EPHA4: variants seen among roughly 807,000 people sequenced by gnomAD.
EPHA4 encodes EPH receptor A4.
Under a neutral mutation model 108.3 loss-of-function variants are expected in EPHA4, and 19 were observed. The observed-to-expected ratio is 0.18, with a 90% CI of 0.12 to 0.26. EPHA4 has a LOEUF of 0.26. Ranked by LOEUF, EPHA4 falls within the 10% of genes least tolerant of loss-of-function variation. The pLI is 1.00. For synonymous variants in EPHA4, 449 were observed against 455.5 expected (o/e 0.99, Z 0.18); for missense variants, 917 against 1,254.0 (o/e 0.73, Z 4.06).
intron 3 of EPHA4, among the ~76,000 whole-genome samples, chr2:221,510,183 G>A (rs1386620509): frequency 6.6e-6 from 1 of 152,048 alleles, no homozygotes; most frequent in Non-Finnish European, 1.5e-5. Context: ...AAACACTATG[G>A]GATAACTTCT....
At chr2:221,490,771 A>C (rs997124446) in intron 4 of EPHA4, among the ~76,000 whole-genome samples, 2 of 152,112 alleles carry the variant, frequency 1.3e-5, no homozygotes, top group Non-Finnish European at 2.9e-5. Context: ...TTACGTTTTG[A>C]CTCTGAAATA....
chr2:221,506,901 T>C (rs914531418), intron 3 of EPHA4, among the ~76,000 whole-genome samples: 11 of 152,224 alleles, frequency 7.2e-5, no homozygotes, highest in African/African-American at 2.4e-4. Context: ...ATTAAGTACT[T>C]TTTTGCAATA....
At chr2:221,529,426 G>T (rs1233597285) in intron 3 of EPHA4, among the ~76,000 whole-genome samples, 2 of 152,174 alleles carry the variant, frequency 1.3e-5, no homozygotes, top group African/African-American at 4.8e-5. Context: ...CCTCCCTGCA[G>T]GCTGCCAACT....
intron 3 of EPHA4, among the ~76,000 whole-genome samples, chr2:221,528,549 G>T (rs1022914535): frequency 1.3e-5 from 2 of 152,112 alleles, no homozygotes; most frequent in Non-Finnish European, 2.9e-5. Flanking sequence ...TCTGAGTCTT[G>T]CAGTGCTTGT....
At chr2:221,422,512 G>T (rs1025447807) in intron 17 of EPHA4, among the ~76,000 whole-genome samples, 7 of 152,172 alleles carry the variant, frequency 4.6e-5, no homozygotes, top group Non-Finnish European at 1.0e-4. Flanking sequence ...GTAATATTAA[G>T]TGGGCAATTT....
At chr2:221,465,776 C>T (rs1691290229) in intron 5 of EPHA4, among the ~76,000 whole-genome samples, 2 of 152,214 alleles carry the variant, frequency 1.3e-5, no homozygotes, top group African/African-American at 2.4e-5. Context: ...TCACCACCAA[C>T]TGGATGCGAT....
chr2:221,480,159 C>T (rs1691776864), intron 5 of EPHA4, among the ~76,000 whole-genome samples: 1 of 143,834 alleles, frequency 7.0e-6, no homozygotes, highest in Admixed American at 7.6e-5. Context: ...GTTGACATAA[C>T]TTCTTGGCTC....
At chr2:221,451,146 G>A (rs923057390) in intron 8 of EPHA4, among the ~76,000 whole-genome samples, 9 of 152,126 alleles carry the variant, frequency 5.9e-5, no homozygotes, top group Admixed American at 2.0e-4. Context: ...CCCATGAGGC[G>A]GAGGTCTCAG....
intron 14 of EPHA4, among the ~76,000 whole-genome samples, chr2:221,432,759 T>C (rs886348716): frequency 6.7e-6 from 1 of 150,264 alleles, no homozygotes; most frequent in South Asian, 2.1e-4. Flanking sequence ...TTAGCCTACC[T>C]CAGCGTCCCG....
intron 5 of EPHA4, among the ~76,000 whole-genome samples, chr2:221,477,291 A>G (rs894185030): frequency 6.6e-6 from 1 of 152,208 alleles, no homozygotes; most frequent in Non-Finnish European, 1.5e-5. Context: ...CTATGTGTTC[A>G]GCCACAGGCC....
intron 3 of EPHA4, among the ~76,000 whole-genome samples, chr2:221,556,951 T>G: frequency 6.6e-6 from 1 of 152,178 alleles, no homozygotes; most frequent in East Asian, 1.9e-4. Flanking sequence ...CTATTGAGGG[T>G]CTTGGAACAT....
At chr2:221,438,631 T>A (rs539554425) in intron 11 of EPHA4, among the ~76,000 whole-genome samples, 1 of 151,746 alleles carries the variant, frequency 6.6e-6, no homozygotes, top group African/African-American at 2.4e-5. Flanking sequence ...CTACTAAAAA[T>A]ACAAAAATTT....
chr2:221,532,250 G>A (rs1327079750), intron 3 of EPHA4, among the ~76,000 whole-genome samples: 1 of 151,994 alleles, frequency 6.6e-6, no homozygotes, highest in East Asian at 1.9e-4. Flanking sequence ...AGCCTCCAGA[G>A]TAGCTGGGAT....
intron 5 of EPHA4, among the ~76,000 whole-genome samples, chr2:221,480,399 G>A (rs1018220017): frequency 6.6e-5 from 10 of 152,186 alleles, no homozygotes; most frequent in African/African-American, 2.4e-4. Flanking sequence ...TAAGAATACT[G>A]ATTGGATCAT....
At chr2:221,548,831 C>T (rs1694080403) in intron 3 of EPHA4, among the ~76,000 whole-genome samples, 2 of 152,104 alleles carry the variant, frequency 1.3e-5, no homozygotes. Context: ...TTAGTAACCT[C>T]ATAGTCTAGA....
Position 221,561,123 on chromosome 2 carries a change from TC to T in EPHA4, c.823+2607del, listed in dbSNP as rs567102802. On this transcript the variant is annotated intron_variant, in intron 3 of 17. Transcript: ENST00000281821. Reference sequence around the variant, plus strand: ...CAGGCGTGGTGGCGGGCGCCTGTAGTCCCAGCTACTTGGGAGGCTGAGGCAG... The same window carrying T: ...CAGGCGTGGTGGCGGGCGCCTGTAGTCCAGCTACTTGGGAGGCTGAGGCAG... Among the ~76,000 whole-genome samples, 732 of 152,166 alleles carry T rather than the reference TC, an allele frequency of 4.8e-3. 8 individuals carry two copies. Among genetic ancestry groups the T allele is most frequent in the African/African-American group, 0.016 (677 of 41,510 alleles).
chr2:221,484,381 T>C (rs998773739), intron 4 of EPHA4, among the ~76,000 whole-genome samples: 8 of 152,200 alleles, frequency 5.3e-5, no homozygotes, highest in African/African-American at 1.7e-4. Flanking sequence ...TAAGCAGGAC[T>C]TCCCAAACTC....
chr2:221,487,682 T>C lies in EPHA4; in HGVS notation c.980-4992A>G, dbSNP rs536538622. ...TGGTGGTTTTTGTCATTACTTTTAA[T>C]GGCAACTACTTTTGTACCAACCTCA... On this transcript the variant is annotated intron_variant, in intron 4 of 17. Coordinates refer to ENST00000281821, the MANE Select transcript of EPHA4 (RefSeq NM_004438.5). Among the ~76,000 whole-genome samples, 4 of 152,326 alleles carry C rather than the reference T, an allele frequency of 2.6e-5. No individual in the cohort carries two copies. The East Asian group carries it at 5.8e-4, about 22-fold the overall frequency.
chr2:221,421,352 A>G (rs1319265315), intron 17 of EPHA4, among the ~76,000 whole-genome samples: 1 of 152,208 alleles, frequency 6.6e-6, no homozygotes, highest in Non-Finnish European at 1.5e-5. Context: ...AGTGAAAAAA[A>G]GTGGTGGTTT....
Sources: allele counts gnomAD v4.1 joint callset (sites outside exome capture counted in the v4.1 genomes callset), GRCh38; gene constraint gnomAD v4.1.1; transcripts MANE v1.5; gene names NCBI Gene and HGNC (gene_info 2026-07-23, HGNC 2026-07-21).